NIN: variants seen among roughly 807,000 people sequenced by gnomAD.
NIN encodes glycogen synthase kinase 3 beta-interacting protein.
NIN carries 137 observed loss-of-function variants against 257.6 expected under a neutral mutation model. The ratio of observed to expected loss-of-function variants is 0.53; its 90% CI spans 0.46 to 0.61. NIN has a LOEUF of 0.61. NIN is among the 20% of genes least tolerant of loss of function. The pLI is 0.00. For synonymous variants in NIN, 918 were observed against 919.8 expected (o/e 1.00, Z 0.04); for missense variants, 2,439 against 2,501.2 (o/e 0.98, Z 0.53).
rs375593881 is a variant in NIN, at chr14:50,729,664, C to T, written c.5937G>A (p.Gln1979=). ...TCGGACAGGCTTGCTGCTGGAGCAG[C>T]TGCAAATCCCAAGCATGAGGGGACG... is the stretch of plus-strand genomic sequence containing the variant. ...PSPSPHAWDL[Q]LLQQQACPMV... The change falls in exon 29 of 31, where the codon CAG becomes CAA. Residue 1979 remains glutamine (Q), a synonymous_variant. Transcript: ENST00000530997. The T allele has an allele frequency of 2.5e-6, 4 of 1,613,664 alleles. No individual in the cohort carries two copies. Among genetic ancestry groups the T allele is most frequent in the Non-Finnish European group, 3.4e-6 (4 of 1,179,908 alleles).
intron 18 of NIN, among the ~76,000 whole-genome samples, chr14:50,756,059 G>A (rs1566809011): frequency 6.6e-6 from 1 of 151,694 alleles, no homozygotes. Context: ...ATTAGCATAA[G>A]AAGTGAGTTC....
At chr14:50,728,864 A>C (rs561683399) in intron 29 of NIN, among the ~76,000 whole-genome samples, 3 of 152,352 alleles carry the variant, frequency 2.0e-5, no homozygotes, top group Admixed American at 1.3e-4. Flanking sequence ...TATTTTCTTA[A>C]ATAGTTTTAT....
At chr14:50,784,350 G>A (rs888181461) in intron 5 of NIN, among the ~76,000 whole-genome samples, 5 of 152,160 alleles carry the variant, frequency 3.3e-5, no homozygotes, top group Non-Finnish European at 5.9e-5. Flanking sequence ...TTCAATTTCC[G>A]CTCTACTACT....
intron 5 of NIN, among the ~76,000 whole-genome samples, chr14:50,790,141 G>A (rs1018759974): frequency 6.6e-6 from 1 of 152,136 alleles, no homozygotes; most frequent in African/African-American, 2.4e-5. Flanking sequence ...TGCAACCTCT[G>A]TCTCTTGGGT....
intron 20 of NIN, 26 bp from the exon 21 acceptor site, chr14:50,752,759 C>T: frequency 1.6e-6 from 2 of 1,275,832 alleles, no homozygotes; most frequent in Non-Finnish European, 2.2e-6. Context: ...ATAAGTTTTT[C>T]AAACTTGTTA....
chr14:50,770,686 C>G, intron 11 of NIN, 124 bp from the exon 12 acceptor site: 1 of 1,352,340 alleles, frequency 7.4e-7, no homozygotes, highest in Non-Finnish European at 1.0e-6. Flanking sequence ...TCTAGTGTAC[C>G]CTGCTTTCCC....
intron 3 of NIN, among the ~76,000 whole-genome samples, chr14:50,814,744 A>G (rs2044801317): frequency 6.6e-6 from 1 of 152,236 alleles, no homozygotes; most frequent in South Asian, 2.1e-4. Flanking sequence ...CTGCATACCT[A>G]CAACCATCTG....
At chr14:50,784,322 T>C (rs2043254113) in intron 5 of NIN, among the ~76,000 whole-genome samples, 1 of 152,212 alleles carries the variant, frequency 6.6e-6, no homozygotes, top group Non-Finnish European at 1.5e-5. Flanking sequence ...GGGTTTAGAC[T>C]GCAGAACCAT....
rs774539963 is a variant in NIN, at chr14:50,806,739, GGTTCTTGAAAGT to G, written c.251_262del (p.His84_Glu87del). 1.3e-6 allele frequency: 2 copies of G among 1,560,744 alleles called. No homozygotes were observed. Among genetic ancestry groups the G allele is most frequent in the South Asian group, 2.2e-5 (2 of 88,936 alleles). On this transcript the variant is annotated inframe_deletion, in exon 4 of 31. Coordinates refer to ENST00000530997, the MANE Select transcript of NIN (RefSeq NM_020921.4). ...AGAAGAGAAGTGAGTGACCTTACCT[GGTTCTTGAAAGT>G]GTTCTTCATTTGACAGAGTTCTGGA...
At chr14:50,763,377 T>C (rs1416652104) in intron 15 of NIN, among the ~76,000 whole-genome samples, 2 of 152,202 alleles carry the variant, frequency 1.3e-5, no homozygotes, top group East Asian at 3.8e-4. Context: ...ATACAGACAT[T>C]CAGCACAGCC....
At chr14:50,738,004 G>C (rs1386165463) in intron 27 of NIN, 136 bp downstream of exon 27, 1 of 835,568 alleles carries the variant, frequency 1.2e-6, no homozygotes, top group Admixed American at 2.5e-5. Context: ...ATTTTGACAA[G>C]ATAACAGCAT....
At chr14:50,771,586 A>T (rs1346879521) in intron 9 of NIN, 118 bp from the exon 10 acceptor site, 1 of 1,068,216 alleles carries the variant, frequency 9.4e-7, no homozygotes, top group Non-Finnish European at 1.3e-6. Flanking sequence ...CAATTAGACA[A>T]TTCCATTGCT....
intron 4 of NIN, among the ~76,000 whole-genome samples, chr14:50,796,694 G>A (rs969264799): frequency 2.0e-5 from 3 of 152,192 alleles, no homozygotes; most frequent in Non-Finnish European, 4.4e-5. Context: ...ACCACTCAGA[G>A]TAGATAAGCC....
intron 14 of NIN, 87 bp from the exon 15 acceptor site, chr14:50,764,051 T>C: frequency 8.3e-7 from 1 of 1,210,854 alleles, no homozygotes; most frequent in African/African-American, 1.5e-5. Context: ...TTGGATATCA[T>C]CAAAACAAAA....
chr14:50,740,861 G>C lies in NIN; in HGVS notation c.5448+721C>G, dbSNP rs565701877. Among the ~76,000 whole-genome samples the C allele has an allele frequency of 2.6e-5, 4 of 152,268 alleles. No individual in the cohort carries two copies. In the South Asian group the frequency reaches 8.3e-4, roughly 32 times the overall value. ...TACTTTTATTGTAGGACAAAATCTT[G>C]ACATCTGCCCCAAAATGACATCTAT... On this transcript the variant is annotated intron_variant, in intron 25 of 30. Coordinates refer to ENST00000530997, the MANE Select transcript of NIN (RefSeq NM_020921.4).
At chr14:50,763,704 G>T in intron 15 of NIN, 122 bp downstream of exon 15, 1 of 811,344 alleles carries the variant, frequency 1.2e-6, no homozygotes, top group Non-Finnish European at 1.8e-6. Context: ...AAAAGAGTAT[G>T]GCCAAATTCT....
At chr14:50,741,125 T>C (rs977004671) in intron 25 of NIN, among the ~76,000 whole-genome samples, 16 of 152,218 alleles carry the variant, frequency 1.1e-4, no homozygotes, top group African/African-American at 3.9e-4. Context: ...GTGTATAAGT[T>C]CCCAGATTAA....
chr14:50,744,901 G>A (rs989942416), intron 22 of NIN, among the ~76,000 whole-genome samples: 2 of 152,084 alleles, frequency 1.3e-5, no homozygotes, highest in African/African-American at 4.8e-5. Flanking sequence ...TGCACTCCAG[G>A]CTGGGCGACA....
At chr14:50,759,648 C>T (rs1397831658) in intron 17 of NIN, among the ~76,000 whole-genome samples, 2 of 152,170 alleles carry the variant, frequency 1.3e-5, no homozygotes, top group Non-Finnish European at 2.9e-5. Flanking sequence ...CGCCCGCCAC[C>T]ACGCCCGGCT....
Sources: gnomAD v4.1 joint callset for allele counts (sites outside exome capture counted in the v4.1 genomes callset) on GRCh38, gnomAD v4.1.1 for gene constraint, MANE v1.5 for transcripts, NCBI Gene and HGNC (gene_info 2026-07-23, HGNC 2026-07-21) for gene names.